SCFD2: variants seen among roughly 807,000 people sequenced by gnomAD.
SCFD2 encodes sec1 family domain-containing protein 2.
In SCFD2, 54 loss-of-function variants were observed where a neutral mutation model predicts 58.9. That is an observed-to-expected ratio of 0.92 (90% CI 0.74 to 1.15). SCFD2 has a LOEUF of 1.15. Ranked by LOEUF, SCFD2 falls within the 50% of genes most tolerant of loss-of-function variation. SCFD2 has a pLI of 0.00. For missense variants in SCFD2, 805 were observed against 836.6 expected, an observed-to-expected ratio of 0.96 and a Z score of 0.47; for synonymous variants, 321 against 335.9, an observed-to-expected ratio of 0.96 and a Z score of 0.49.
At chr4:52,951,704 C>T (rs1157230547) in intron 5 of SCFD2, among the ~76,000 whole-genome samples, 1 of 152,174 alleles carries the variant, frequency 6.6e-6, no homozygotes, top group Non-Finnish European at 1.5e-5. Context: ...CAGCTCAGCT[C>T]TTCTTTCCCC....
At chr4:53,339,540 CGG>C (rs1560455641) in intron 2 of SCFD2, among the ~76,000 whole-genome samples, 16 of 152,056 alleles carry the variant, frequency 1.1e-4, no homozygotes, top group African/African-American at 3.9e-4. Flanking sequence ...GAGGCCGAGG[CGG>C]GCAGATCACC....
At chr4:52,900,108 G>T (rs968942737) in intron 7 of SCFD2, among the ~76,000 whole-genome samples, 4 of 152,026 alleles carry the variant, frequency 2.6e-5, no homozygotes, top group Non-Finnish European at 5.9e-5. Context: ...TCCTCCTTTA[G>T]CTCGGAGTAG....
intron 4 of SCFD2, among the ~76,000 whole-genome samples, chr4:53,268,474 T>C (rs918136399): frequency 8.6e-5 from 13 of 151,930 alleles, no homozygotes; most frequent in South Asian, 2.1e-4. Flanking sequence ...CAGGTGGAGG[T>C]TGAGTGACAA....
intron 2 of SCFD2, among the ~76,000 whole-genome samples, chr4:53,333,959 T>C (rs1029953708): frequency 6.8e-6 from 1 of 146,944 alleles, no homozygotes; most frequent in Non-Finnish European, 1.5e-5. Context: ...CAGACACTTC[T>C]CAAAAGAAGA....
chr4:53,138,871 CCTCCCT>C (rs1726021471), intron 5 of SCFD2, among the ~76,000 whole-genome samples: 2 of 149,332 alleles, frequency 1.3e-5, no homozygotes, highest in African/African-American at 2.5e-5. Flanking sequence ...TCCCCCTCCC[CCTCCCT>C]CTCGTCTCCG....
At chr4:53,215,983 C>T (rs1560390493) in intron 4 of SCFD2, among the ~76,000 whole-genome samples, 2 of 152,164 alleles carry the variant, frequency 1.3e-5, no homozygotes, top group African/African-American at 2.4e-5. Flanking sequence ...CCTTGCATCC[C>T]AGGGATGAAG....
In SCFD2 at chr4:53,318,961, C is replaced by A. The variant is rs1369321429; in HGVS notation, c.1008-5198G>T. Among the ~76,000 whole-genome samples, 12 of 152,086 alleles carry A rather than the reference C, an allele frequency of 7.9e-5. No individual in the cohort carries two copies. In the South Asian group the frequency reaches 2.3e-3, roughly 29 times the overall value. ...AGAGGCAACTGACTGATTTAAGTAA[C>A]CTCAATCTTTAAAAGGCAAAATCAC... is the stretch of plus-strand genomic sequence containing the variant. On this transcript the variant is annotated intron_variant, in intron 2 of 8. Coordinates refer to ENST00000401642, the MANE Select transcript of SCFD2 (RefSeq NM_152540.4).
rs142839058 is a variant in SCFD2, at chr4:53,297,503, C to T, written c.1135+16133G>A. The stretch of plus-strand genomic sequence containing the variant: ...GTTTGTTTGTTTTGCTTTCCATTTG[C>T]TTGGTAAATATTCCTCTATCCCCTT... On this transcript the variant is annotated intron_variant, in intron 3 of 8. Transcript: ENST00000401642. Among the ~76,000 whole-genome samples the T allele has an allele frequency of 8.6e-3, 1,308 of 151,810 alleles. 13 individuals carry two copies. Among genetic ancestry groups the T allele is most frequent in the Middle Eastern group, 0.048 (14 of 294 alleles).
intron 5 of SCFD2, among the ~76,000 whole-genome samples, chr4:53,096,447 C>T (rs979004162): frequency 5.9e-5 from 9 of 152,220 alleles, no homozygotes; most frequent in South Asian, 2.1e-4. Flanking sequence ...GTGGTTTTGA[C>T]TTGCATTTCT....
intron 3 of SCFD2, among the ~76,000 whole-genome samples, chr4:53,311,331 A>G (rs1033655910): frequency 6.6e-6 from 1 of 152,042 alleles, no homozygotes; most frequent in African/African-American, 2.4e-5. Flanking sequence ...GCCCCTATCT[A>G]GAGTTGTGGA....
chr4:53,036,699 G>C (rs1261387075), intron 5 of SCFD2, among the ~76,000 whole-genome samples: 2 of 152,026 alleles, frequency 1.3e-5, no homozygotes, highest in Non-Finnish European at 2.9e-5. Context: ...GTCAGGGGGT[G>C]TGGGGCTAGG....
intron 5 of SCFD2, among the ~76,000 whole-genome samples, chr4:52,996,885 A>G (rs1008300667): frequency 6.6e-6 from 1 of 152,238 alleles, no homozygotes; most frequent in Non-Finnish European, 1.5e-5. Flanking sequence ...CAGTGCTTCT[A>G]TTGGAAACAC....
intron 4 of SCFD2, among the ~76,000 whole-genome samples, chr4:53,210,613 C>T (rs1009104004): frequency 6.6e-6 from 1 of 151,894 alleles, no homozygotes; most frequent in African/African-American, 2.4e-5. Context: ...TTCTGAAAAA[C>T]ATATTATTTA....
At chr4:53,188,232 G>T (rs1727791776) in intron 4 of SCFD2, among the ~76,000 whole-genome samples, 1 of 152,156 alleles carries the variant, frequency 6.6e-6, no homozygotes, top group Non-Finnish European at 1.5e-5. Context: ...AAGATTTAGT[G>T]ATCTGTATGG....
chr4:52,900,792 G>T (rs1719173821), intron 7 of SCFD2, among the ~76,000 whole-genome samples: 1 of 152,248 alleles, frequency 6.6e-6, no homozygotes, highest in Non-Finnish European at 1.5e-5. Flanking sequence ...GCTCCTCCCA[G>T]TTCGAGCTTC....
intron 3 of SCFD2, among the ~76,000 whole-genome samples, chr4:53,295,121 G>C (rs1731980030): frequency 6.6e-6 from 1 of 152,166 alleles, no homozygotes; most frequent in South Asian, 2.1e-4. Context: ...TGGCTATGCA[G>C]ACTCTTTTTT....
intron 5 of SCFD2, among the ~76,000 whole-genome samples, chr4:53,107,741 C>T (rs959916943): frequency 6.6e-6 from 1 of 152,174 alleles, no homozygotes; most frequent in African/African-American, 2.4e-5. Context: ...TCTTACAGAT[C>T]TGCAAAGAGA....
At chr4:53,349,930 T>C (rs1380610164) in intron 2 of SCFD2, among the ~76,000 whole-genome samples, 1 of 152,176 alleles carries the variant, frequency 6.6e-6, no homozygotes, top group Non-Finnish European at 1.5e-5. Context: ...TGGGTTCAAA[T>C]ATAGGCCTCC....
chr4:53,320,425 T>G (rs1369844826), intron 2 of SCFD2, among the ~76,000 whole-genome samples: 1 of 152,194 alleles, frequency 6.6e-6, no homozygotes. Flanking sequence ...GAGACCAGCC[T>G]GGTCAATATG....
Sources: gnomAD v4.1 joint callset for allele counts (sites outside exome capture counted in the v4.1 genomes callset) on GRCh38, gnomAD v4.1.1 for gene constraint, MANE v1.5 for transcripts, NCBI Gene and HGNC (gene_info 2026-07-23, HGNC 2026-07-21) for gene names.